Variants in EEFSEC observed in about 807,000 individuals in gnomAD.
EEFSEC encodes eukaryotic elongation factor, selenocysteine-tRNA specific, also known as selenocysteine-specific elongation factor.
In EEFSEC, 43 loss-of-function variants were observed where a neutral mutation model predicts 42.1. That is an observed-to-expected ratio of 1.02 (90% CI 0.80 to 1.32). The LOEUF is 1.32. Ranked by LOEUF, EEFSEC falls within the 40% of genes most tolerant of loss-of-function variation. The pLI is 0.00. For missense variants in EEFSEC, 745 were observed against 803.6 expected (o/e 0.93, Z 0.88); for synonymous variants, 354 against 339.1 (o/e 1.04, Z -0.48).
the EEFSEC span, among the ~76,000 whole-genome samples, chr3:128,414,722 T>C: frequency 6.6e-6 from 1 of 152,204 alleles, no homozygotes; most frequent in Non-Finnish European, 1.5e-5. Flanking sequence ...TTCACCGCCA[T>C]CATCATCAGC....
rs558941342 is a variant in EEFSEC at position 128,273,964 on chromosome 3, C to T, written c.786+9183C>T. Among the ~76,000 whole-genome samples the T allele has an allele frequency of 1.6e-4, 25 of 152,310 alleles. 1 individual carries two copies. The highest frequency in any genetic ancestry group is 1.6e-3 in the Admixed American group (25 of 15,304). The stretch of plus-strand genomic sequence containing the variant: ...TTGGGCCCAGGTTGACCTGCAGCCT[C>T]CCAACCCTTTGATGGGGCTCTAGTG... On this transcript the variant is annotated intron_variant, in intron 4 of 6. Coordinates refer to ENST00000254730, the MANE Select transcript of EEFSEC (RefSeq NM_021937.5).
chr3:128,309,608 T>C (rs1047638806), intron 4 of EEFSEC, among the ~76,000 whole-genome samples: 1 of 152,270 alleles, frequency 6.6e-6, no homozygotes, highest in Admixed American at 6.5e-5. Flanking sequence ...CATGGTGACT[T>C]TAGCTGTGAA....
chr3:128,193,604 A>G (rs1405855089), intron 1 of EEFSEC, among the ~76,000 whole-genome samples: 1 of 152,228 alleles, frequency 6.6e-6, no homozygotes, highest in African/African-American at 2.4e-5. Context: ...TTTGCTTTGT[A>G]GCAGCCACCA....
At chr3:128,333,128 G>A (rs2067152035) in intron 4 of EEFSEC, among the ~76,000 whole-genome samples, 1 of 152,150 alleles carries the variant, frequency 6.6e-6, no homozygotes, top group South Asian at 2.1e-4. Flanking sequence ...CTAGCCCTTG[G>A]CACAACCAGG....
chr3:128,175,761 G>A (rs1381939308), intron 1 of EEFSEC, among the ~76,000 whole-genome samples: 1 of 152,248 alleles, frequency 6.6e-6, no homozygotes, highest in Non-Finnish European at 1.5e-5. Context: ...GGGAGAACAT[G>A]GGTTTAGTAG....
At chr3:128,163,453 C>T (rs895460835) in intron 1 of EEFSEC, among the ~76,000 whole-genome samples, 5 of 152,034 alleles carry the variant, frequency 3.3e-5, no homozygotes, top group Non-Finnish European at 7.4e-5. Flanking sequence ...CAGAGCCTGG[C>T]ATACAGCAGA....
chr3:128,424,213 TG>T, the EEFSEC span, among the ~76,000 whole-genome samples: 3 of 152,216 alleles, frequency 2.0e-5, no homozygotes, highest in African/African-American at 4.8e-5. Context: ...ACCAGCAGGC[TG>T]GGTGCCTCCC....
At chr3:128,290,911 TTTTTTA>T in intron 4 of EEFSEC, among the ~76,000 whole-genome samples, 1 of 152,020 alleles carries the variant, frequency 6.6e-6, no homozygotes, top group South Asian at 2.1e-4. Context: ...TACCTGGCTT[TTTTTTA>T]TTTTTATTTT....
rs760525163 is a variant in EEFSEC, at chr3:128,153,733, G to T, written c.226G>T (p.Glu76Ter). The change falls in exon 1 of 7, where the codon GAG becomes TAG. Residue 76 changes from glutamate to a stop codon, truncating the protein, a stop_gained. Transcript: ENST00000254730. LOFTEE classifies it high-confidence loss of function. Reference protein sequence around the residue: ...SSLPEFQAAPEAEPEPGEPLL... With the variant: ...SSLPEFQAAP ...TTTGCCCGAGTTCCAGGCAGCGCCC[G>T]AGGCCGAGCCCGAGCCCGGCGAGCC... is the stretch of plus-strand genomic sequence containing the variant. 49 of 1,551,444 alleles carry T rather than the reference G, an allele frequency of 3.2e-5. No homozygotes were observed. The highest frequency in any genetic ancestry group is 4.0e-5 in the Non-Finnish European group (46 of 1,158,424).
chr3:128,216,253 C>T (rs1360246285), intron 1 of EEFSEC, among the ~76,000 whole-genome samples: 1 of 152,204 alleles, frequency 6.6e-6, no homozygotes, highest in East Asian at 1.9e-4. Context: ...AATTGAGACT[C>T]GGGCCAGTTG....
chr3:128,191,022 C>G (rs1368071654), intron 1 of EEFSEC, among the ~76,000 whole-genome samples: 1 of 152,012 alleles, frequency 6.6e-6, no homozygotes, highest in Non-Finnish European at 1.5e-5. Context: ...TTTCACACAA[C>G]CTAGGTGTGT....
chr3:128,199,317 A>G (rs1170890816), intron 1 of EEFSEC, among the ~76,000 whole-genome samples: 1 of 152,210 alleles, frequency 6.6e-6, no homozygotes, highest in Non-Finnish European at 1.5e-5. Flanking sequence ...GTTGGTGCCT[A>G]TTCATCTGAC....
intron 6 of EEFSEC, among the ~76,000 whole-genome samples, chr3:128,378,246 A>G (rs2067732502): frequency 6.6e-6 from 1 of 152,118 alleles, no homozygotes; most frequent in African/African-American, 2.4e-5. Context: ...GCCCTTTGTG[A>G]CTGGCCCCAT....
At chr3:128,194,769 T>C (rs1009222807) in intron 1 of EEFSEC, among the ~76,000 whole-genome samples, 2 of 152,230 alleles carry the variant, frequency 1.3e-5, no homozygotes, top group African/African-American at 4.8e-5. Flanking sequence ...GGAATTCTTT[T>C]TGAGTTCAGT....
chr3:128,284,923 T>A (rs1298065416), intron 4 of EEFSEC, among the ~76,000 whole-genome samples: 1 of 151,676 alleles, frequency 6.6e-6, no homozygotes, highest in Non-Finnish European at 1.5e-5. Flanking sequence ...TTTTTTTTTT[T>A]AATGCAATAT....
At chr3:128,155,197 C>T (rs373078062) in intron 1 of EEFSEC, among the ~76,000 whole-genome samples, 1 of 152,132 alleles carries the variant, frequency 6.6e-6, no homozygotes, top group Non-Finnish European at 1.5e-5. Context: ...TCACTGCAAC[C>T]TCTTTCTCCC....
intron 5 of EEFSEC, among the ~76,000 whole-genome samples, chr3:128,354,503 G>A (rs983455919): frequency 1.3e-5 from 2 of 152,202 alleles, no homozygotes; most frequent in African/African-American, 4.8e-5. Context: ...ACCAGCCTGT[G>A]TGCTGGCCCA....
At chr3:128,396,715 C>T (rs2067985817) in intron 6 of EEFSEC, among the ~76,000 whole-genome samples, 1 of 152,186 alleles carries the variant, frequency 6.6e-6, no homozygotes, top group South Asian at 2.1e-4. Flanking sequence ...GCCTCAGTTT[C>T]CTGGTGTGTG....
intron 1 of EEFSEC, among the ~76,000 whole-genome samples, chr3:128,188,606 G>A (rs1481443398): frequency 6.6e-6 from 1 of 152,222 alleles, no homozygotes; most frequent in Non-Finnish European, 1.5e-5. Context: ...TAGCTAATGT[G>A]TTCCACTCCA....
Sources: allele counts gnomAD v4.1 joint callset (sites outside exome capture counted in the v4.1 genomes callset), GRCh38; gene constraint gnomAD v4.1.1; transcripts MANE v1.5; gene names NCBI Gene and HGNC (gene_info 2026-07-23, HGNC 2026-07-21).